ZFHX3: variants seen among roughly 807,000 people sequenced by gnomAD.
ZFHX3 encodes zinc finger homeobox protein 3.
ZFHX3 carries 42 observed loss-of-function variants against 279.1 expected under a neutral mutation model. The ratio of observed to expected loss-of-function variants is 0.15; its 90% CI spans 0.12 to 0.19. ZFHX3 has a LOEUF of 0.19. ZFHX3 is among the 10% of genes least tolerant of loss of function. The pLI is 1.00. For missense variants in ZFHX3, 4,981 were observed against 4,754.0 expected, an observed-to-expected ratio of 1.05 and a Z score of -1.40; for synonymous variants, 2,293 against 1,957.8, an observed-to-expected ratio of 1.17 and a Z score of -4.52.
At chr16:73,129,066 T>G (rs1966625809) in intron 7 of ZFHX3, among the ~76,000 whole-genome samples, 1 of 152,098 alleles carries the variant, frequency 6.6e-6, no homozygotes, top group South Asian at 2.1e-4. Flanking sequence ...TGACCCCAGA[T>G]GACCGGTGGA....
intron 3 of ZFHX3, among the ~76,000 whole-genome samples, chr16:72,940,140 G>A (rs1044166363): frequency 1.3e-5 from 2 of 151,978 alleles, no homozygotes; most frequent in African/African-American, 4.8e-5. Context: ...TTGAACTCCC[G>A]GGCTCAAGTG....
intron 2 of ZFHX3, among the ~76,000 whole-genome samples, chr16:73,564,178 G>A (rs1172702228): frequency 6.6e-6 from 1 of 152,120 alleles, no homozygotes; most frequent in Non-Finnish European, 1.5e-5. Context: ...TTGACCTCTG[G>A]GTTTGGTTCA....
intron 1 of ZFHX3, among the ~76,000 whole-genome samples, chr16:73,884,577 A>C (rs2030285950): frequency 6.6e-6 from 1 of 152,210 alleles, no homozygotes; most frequent in Non-Finnish European, 1.5e-5. Flanking sequence ...CCTGAGTACC[A>C]GTGGTGTTTC....
At chr16:73,182,228 G>A (rs758459722) in intron 5 of ZFHX3, among the ~76,000 whole-genome samples, 14 of 152,198 alleles carry the variant, frequency 9.2e-5, no homozygotes, top group Non-Finnish European at 1.5e-4. Flanking sequence ...AGGCCAAGGC[G>A]GGCAGATCAC....
intron 1 of ZFHX3, among the ~76,000 whole-genome samples, chr16:73,057,950 G>A (rs946029467): frequency 2.7e-5 from 4 of 147,998 alleles, no homozygotes; most frequent in African/African-American, 4.9e-5. Flanking sequence ...TCAGCCCGGG[G>A]CCCCGGCGCC....
rs545827784 is a variant in ZFHX3 at position 72,962,968 on chromosome 16, G to A, written c.-49-2774C>T. On this transcript the variant is annotated intron_variant, in intron 1 of 9. Coordinates refer to ENST00000268489, the MANE Select transcript of ZFHX3 (RefSeq NM_006885.4). ...GTCTCAGGGCATCTACCACTCCCCCGCAACAGCCGGCTCTCTCTCGCTCTG... is the reference window on the plus strand; with the variant it reads ...GTCTCAGGGCATCTACCACTCCCCCACAACAGCCGGCTCTCTCTCGCTCTG... Among the ~76,000 whole-genome samples the A allele has an allele frequency of 3.3e-5, 5 of 152,186 alleles. No individual in the cohort carries two copies. The East Asian group carries it at 7.7e-4, about 24-fold the overall frequency.
intron 7 of ZFHX3, chr16:73,093,903 C>T (rs769614754): frequency 7.5e-5 from 16 of 212,998 alleles, no homozygotes; most frequent in South Asian, 2.2e-4. Flanking sequence ...AGAGCTGGGG[C>T]GGTGGTGCAG....
chr16:72,812,183 AT>A, intron 5 of ZFHX3, 145 bp from the exon 6 acceptor site: 1 of 1,183,966 alleles, frequency 8.4e-7, no homozygotes, highest in Non-Finnish European at 1.2e-6. Context: ...ATCCGGACTG[AT>A]TTATCAAGCA....
chr16:73,755,718 C>A (rs1034954893), intron 1 of ZFHX3, among the ~76,000 whole-genome samples: 11 of 152,238 alleles, frequency 7.2e-5, no homozygotes, highest in African/African-American at 2.7e-4. Context: ...TGAAGAAAAG[C>A]AAGAGCTTGG....
intron 5 of ZFHX3, among the ~76,000 whole-genome samples, chr16:72,828,587 T>C (rs2036988157): frequency 6.6e-6 from 1 of 152,202 alleles, no homozygotes; most frequent in Non-Finnish European, 1.5e-5. Context: ...ACATGAGTGC[T>C]CACCCTGGGG....
At chr16:73,669,788 G>A (rs150826140) in intron 2 of ZFHX3, among the ~76,000 whole-genome samples, 80 of 152,326 alleles carry the variant, frequency 5.3e-4, no homozygotes, top group African/African-American at 1.8e-3. Context: ...TACTGAGACC[G>A]TGGCAGCATT....
intron 4 of ZFHX3, among the ~76,000 whole-genome samples, chr16:73,295,679 G>A (rs1280398945): frequency 1.3e-5 from 2 of 152,214 alleles, no homozygotes; most frequent in Non-Finnish European, 2.9e-5. Context: ...GCGCCTGATG[G>A]AGGGTCACCA....
intron 3 of ZFHX3, among the ~76,000 whole-genome samples, chr16:73,337,998 C>A (rs951189974): frequency 6.7e-6 from 1 of 149,916 alleles, no homozygotes; most frequent in Non-Finnish European, 1.5e-5. Flanking sequence ...AACTAAAACT[C>A]GTGCATACTC....
chr16:73,142,784 A>G (rs1434589842), intron 6 of ZFHX3, among the ~76,000 whole-genome samples: 1 of 152,252 alleles, frequency 6.6e-6, no homozygotes, highest in South Asian at 2.1e-4. Context: ...TTTTATATGC[A>G]CTACCCTGTT....
At chr16:73,155,648 C>A (rs1185233043) in intron 5 of ZFHX3, among the ~76,000 whole-genome samples, 2 of 152,068 alleles carry the variant, frequency 1.3e-5, no homozygotes, top group Non-Finnish European at 1.5e-5. Context: ...TGTGGTGAAA[C>A]ACCGTCTCTA....
intron 1 of ZFHX3, among the ~76,000 whole-genome samples, chr16:73,041,580 TAC>T (rs1437133021): frequency 1.3e-5 from 2 of 152,110 alleles, no homozygotes; most frequent in Non-Finnish European, 2.9e-5. Context: ...CCATCTCAAT[TAC>T]GTTATCAAAT....
intron 5 of ZFHX3, among the ~76,000 whole-genome samples, chr16:73,178,875 C>G (rs1329539453): frequency 6.6e-6 from 1 of 152,168 alleles, no homozygotes; most frequent in Non-Finnish European, 1.5e-5. Context: ...ATTCATCCAT[C>G]CATCCATGCA....
In ZFHX3 at chr16:72,787,943, C is replaced by T; in HGVS notation, c.10333G>A (p.Glu3445Lys). The T allele has an allele frequency of 6.2e-7, 1 of 1,613,968 alleles. No individual in the cohort carries two copies. The highest frequency in any genetic ancestry group is 8.5e-7 in the Non-Finnish European group (1 of 1,180,016). ...TAGAGGGAGTCCGCACTTTTGCTTT[C>T]TGCTTCTGGCTCTTCAGGGAGTTTC... The part of the protein sequence containing the change: ...LPKLPEEPEA[E>K]SKSADSLYDP... The change falls in exon 10 of 10, where the codon GAA becomes AAA. Residue 3445 changes from glutamate (E) to lysine (K), a missense_variant. Glu to Lys is a moderately conservative substitution (Grantham distance 56, BLOSUM62 1). Transcript: ENST00000268489.
intron 4 of ZFHX3, among the ~76,000 whole-genome samples, chr16:72,868,684 A>G (rs935640137): frequency 1.3e-5 from 2 of 152,216 alleles, no homozygotes; most frequent in African/African-American, 2.4e-5. Flanking sequence ...CAGGGTCCAC[A>G]TCGACAGGCT....
Sources: gnomAD v4.1 joint callset for allele counts (sites outside exome capture counted in the v4.1 genomes callset) on GRCh38, gnomAD v4.1.1 for gene constraint, MANE v1.5 for transcripts, NCBI Gene and HGNC (gene_info 2026-07-23, HGNC 2026-07-21) for gene names.